The following NEGR1 variants were observed in gnomAD, a reference collection of about 807,000 sequenced individuals.
NEGR1 encodes IgLON family member 4.
A neutral mutation model predicts 40.9 loss-of-function variants in NEGR1; 10 were observed. The ratio of observed to expected loss-of-function variants is 0.24; its 90% CI spans 0.15 to 0.42. NEGR1 has a LOEUF of 0.42. Among genes scored for constraint, NEGR1 ranks in the 10% least tolerant of loss-of-function variants. NEGR1 has a pLI of 1.00. For synonymous variants in NEGR1, 185 were observed against 166.8 expected (o/e 1.11, Z -0.84); for missense variants, 352 against 438.9 (o/e 0.80, Z 1.77).
intron 3 of NEGR1, among the ~76,000 whole-genome samples, chr1:71,757,038 A>C (rs1288488975): frequency 6.6e-6 from 1 of 152,154 alleles, no homozygotes; most frequent in Non-Finnish European, 1.5e-5. Context: ...CCTTAGACAA[A>C]AAATATACAA....
chr1:71,638,371 C>G (rs967218263), intron 4 of NEGR1, among the ~76,000 whole-genome samples: 2 of 151,898 alleles, frequency 1.3e-5, no homozygotes, highest in Admixed American at 6.6e-5. Context: ...CTTCATAAGC[C>G]TGTTTATTAT....
chr1:72,252,323 C>T (rs1400849389), intron 1 of NEGR1, among the ~76,000 whole-genome samples: 2 of 152,142 alleles, frequency 1.3e-5, no homozygotes, highest in Admixed American at 1.3e-4. Flanking sequence ...GGATTACAGG[C>T]ATGAGCCATT....
At chr1:71,963,657 A>G (rs1330103560) in intron 1 of NEGR1, among the ~76,000 whole-genome samples, 1 of 152,182 alleles carries the variant, frequency 6.6e-6, no homozygotes, top group Non-Finnish European at 1.5e-5. Context: ...AAATATACAG[A>G]GAGAGTGTGA....
intron 6 of NEGR1, among the ~76,000 whole-genome samples, chr1:71,485,535 T>TA (rs1159897560): frequency 6.6e-6 from 1 of 151,572 alleles, no homozygotes; most frequent in Non-Finnish European, 1.5e-5. Context: ...TTTCTAGCAT[T>TA]ATAGTCTCAT....
intron 1 of NEGR1, among the ~76,000 whole-genome samples, chr1:72,266,028 A>C (rs1457093123): frequency 6.6e-6 from 1 of 150,936 alleles, no homozygotes; most frequent in South Asian, 2.1e-4. Flanking sequence ...GCACCTTACT[A>C]AACTCCTAAG....
In NEGR1 at chr1:72,029,044, T is replaced by C. The variant is rs138303588; in HGVS notation, c.177-93733A>G. On this transcript the variant is annotated intron_variant, in intron 1 of 6. Transcript: ENST00000357731. ...GAAAAAGCATAATGGGTCAAATGAC[T>C]GGTTAAACAAGATACCAGATCAACC... Among the ~76,000 whole-genome samples, 25 of 152,312 alleles carry C rather than the reference T, an allele frequency of 1.6e-4. No individual in the cohort carries two copies. In the East Asian group the frequency reaches 4.4e-3, roughly 27 times the overall value.
chr1:72,078,948 G>A (rs1025393138), intron 1 of NEGR1, among the ~76,000 whole-genome samples: 1 of 151,120 alleles, frequency 6.6e-6, no homozygotes, highest in Non-Finnish European at 1.5e-5. Flanking sequence ...CCTATTTATT[G>A]ATATTTTAAC....
intron 1 of NEGR1, among the ~76,000 whole-genome samples, chr1:72,245,086 C>A (rs114804381): frequency 1.3e-5 from 2 of 151,852 alleles, no homozygotes; most frequent in African/African-American, 4.8e-5. Context: ...ACAGGACAAC[C>A]GTATTGGTCA....
At chr1:71,533,343 A>G (rs559534925) in intron 6 of NEGR1, among the ~76,000 whole-genome samples, 1 of 151,790 alleles carries the variant, frequency 6.6e-6, no homozygotes, top group East Asian at 2.0e-4. Flanking sequence ...ATGTTCTATA[A>G]ATAAAAATCA....
chr1:72,275,126 T>C, intron 1 of NEGR1: 1 of 785,948 alleles, frequency 1.3e-6, no homozygotes, highest in Admixed American at 1.8e-5. Flanking sequence ...CAGATCTTTA[T>C]TTCCCGCACG....
chr1:71,574,275 A>T (rs1648891876), intron 6 of NEGR1, among the ~76,000 whole-genome samples: 1 of 152,104 alleles, frequency 6.6e-6, no homozygotes, highest in Non-Finnish European at 1.5e-5. Context: ...CTTTCTGCCT[A>T]TTGTTTTTGC....
At chr1:71,590,791 G>T (rs951352859) in intron 6 of NEGR1, among the ~76,000 whole-genome samples, 1 of 152,088 alleles carries the variant, frequency 6.6e-6, no homozygotes, top group African/African-American at 2.4e-5. Context: ...TGTATCTGTA[G>T]AGGTTACAAG....
intron 6 of NEGR1, among the ~76,000 whole-genome samples, chr1:71,580,806 A>C (rs546803943): frequency 6.6e-6 from 1 of 152,196 alleles, no homozygotes; most frequent in Admixed American, 6.5e-5. Context: ...ATTGAAGATA[A>C]GTGAGGTTAT....
intron 6 of NEGR1, among the ~76,000 whole-genome samples, chr1:71,491,718 A>G (rs1256940166): frequency 6.6e-6 from 1 of 152,020 alleles, no homozygotes. Flanking sequence ...ACAGTAGCAA[A>G]TGTTCTTTCA....
At chr1:71,911,485 T>C (rs1661419502) in intron 2 of NEGR1, among the ~76,000 whole-genome samples, 1 of 152,174 alleles carries the variant, frequency 6.6e-6, no homozygotes, top group Non-Finnish European at 1.5e-5. Context: ...GAGGGAGTTG[T>C]AAATAATGCA....
intron 3 of NEGR1, among the ~76,000 whole-genome samples, chr1:71,760,102 C>T (rs771706372): frequency 4.6e-5 from 7 of 152,078 alleles, no homozygotes; most frequent in Non-Finnish European, 1.0e-4. Flanking sequence ...GGGGAAACAA[C>T]GTGGCATGTC....
chr1:71,992,253 T>C (rs1169458976), intron 1 of NEGR1, among the ~76,000 whole-genome samples: 1 of 152,148 alleles, frequency 6.6e-6, no homozygotes, highest in Non-Finnish European at 1.5e-5. Context: ...TAAATTACAA[T>C]AATATTTCAG....
chr1:72,063,883 C>T (rs1274691557), intron 1 of NEGR1, among the ~76,000 whole-genome samples: 3 of 151,612 alleles, frequency 2.0e-5, no homozygotes, highest in African/African-American at 7.3e-5. Flanking sequence ...CAGAGAACCC[C>T]CCTGTAAGAT....
intron 1 of NEGR1, among the ~76,000 whole-genome samples, chr1:72,018,778 A>G (rs915258011): frequency 1.3e-5 from 2 of 151,994 alleles, no homozygotes; most frequent in African/African-American, 4.8e-5. Context: ...AGGGGAGGAG[A>G]AGGAGGACTT....
Sources: allele counts gnomAD v4.1 joint callset (sites outside exome capture counted in the v4.1 genomes callset), GRCh38; gene constraint gnomAD v4.1.1; transcripts MANE v1.5; gene names NCBI Gene and HGNC (gene_info 2026-07-23, HGNC 2026-07-21).